PLCB1: variants seen among roughly 807,000 people sequenced by gnomAD.
The protein encoded by PLCB1 is phospholipase C beta 1, also known as 1-phosphatidylinositol 4,5-bisphosphate phosphodiesterase beta-1.
Under a neutral mutation model 161.8 loss-of-function variants are expected in PLCB1, and 46 were observed. The observed-to-expected ratio is 0.28, with a 90% confidence interval of 0.22 to 0.36. PLCB1 has a LOEUF of 0.36. Among genes scored for constraint, PLCB1 ranks in the 10% least tolerant of loss-of-function variants. PLCB1 has a pLI of 1.00. For synonymous variants in PLCB1, 517 were observed against 503.7 expected, an observed-to-expected ratio of 1.03 and a Z score of -0.35; for missense variants, 1,016 against 1,472.5, an observed-to-expected ratio of 0.69 and a Z score of 5.07.
chr20:8,541,241 G>A (rs552370552), intron 3 of PLCB1, among the ~76,000 whole-genome samples: 1 of 152,116 alleles, frequency 6.6e-6, no homozygotes, highest in Non-Finnish European at 1.5e-5. Context: ...TGTAACTGCT[G>A]GTGTGCCACT....
chr20:8,811,579 A>G (rs369245665), intron 31 of PLCB1, among the ~76,000 whole-genome samples: 1 of 150,828 alleles, frequency 6.6e-6, no homozygotes. Flanking sequence ...TGATAAATTA[A>G]TATTCAATGG....
chr20:8,602,773 T>G (rs1210967604), intron 3 of PLCB1, among the ~76,000 whole-genome samples: 9 of 152,246 alleles, frequency 5.9e-5, no homozygotes, highest in South Asian at 4.1e-4. Context: ...GGGATTTTAA[T>G]TTCTGTGGCT....
At chr20:8,244,999 CA>C (rs752860113) in intron 2 of PLCB1, among the ~76,000 whole-genome samples, 26 of 151,450 alleles carry the variant, frequency 1.7e-4, no homozygotes, top group Non-Finnish European at 3.7e-4. Context: ...GGATGTATGA[CA>C]AGTAATATTT....
intron 2 of PLCB1, among the ~76,000 whole-genome samples, chr20:8,220,721 C>T (rs1173442786): frequency 2.6e-5 from 4 of 152,150 alleles, no homozygotes; most frequent in Admixed American, 2.0e-4. Flanking sequence ...TTCCAGCTTC[C>T]AGAACTGTGA....
At chr20:8,609,538 TC>T (rs1420891368) in intron 3 of PLCB1, among the ~76,000 whole-genome samples, 1 of 152,200 alleles carries the variant, frequency 6.6e-6, no homozygotes, top group East Asian at 1.9e-4. Flanking sequence ...CCATCTTTTT[TC>T]TCTTCAATTT....
chr20:8,492,452 T>A (rs979053224), intron 3 of PLCB1, among the ~76,000 whole-genome samples: 1 of 152,126 alleles, frequency 6.6e-6, no homozygotes, highest in African/African-American at 2.4e-5. Flanking sequence ...ATGTTTGGTA[T>A]AATTAAGTGC....
At chr20:8,526,021 A>G (rs946607756) in intron 3 of PLCB1, among the ~76,000 whole-genome samples, 1 of 152,088 alleles carries the variant, frequency 6.6e-6, no homozygotes, top group Non-Finnish European at 1.5e-5. Context: ...TTGGAGCGGG[A>G]TAGTAACCAG....
chr20:8,348,619 C>A (rs965889172), intron 2 of PLCB1, among the ~76,000 whole-genome samples: 2 of 152,174 alleles, frequency 1.3e-5, no homozygotes, highest in African/African-American at 4.8e-5. Context: ...TTGTGTGATG[C>A]AGGCCTAATG....
chr20:8,829,759 A>G (rs1307706342), intron 31 of PLCB1, among the ~76,000 whole-genome samples: 2 of 152,230 alleles, frequency 1.3e-5, no homozygotes, highest in African/African-American at 4.8e-5. Flanking sequence ...AGCAACGTAT[A>G]GATCATTAGG....
chr20:8,274,598 G>A (rs1432806940), intron 2 of PLCB1, among the ~76,000 whole-genome samples: 1 of 151,454 alleles, frequency 6.6e-6, no homozygotes, highest in African/African-American at 2.4e-5. Context: ...TGCCTCATTT[G>A]CCAGGGCTTT....
At chr20:8,183,041 G>A (rs1222091713) in intron 2 of PLCB1, among the ~76,000 whole-genome samples, 10 of 152,192 alleles carry the variant, frequency 6.6e-5, no homozygotes, top group Admixed American at 5.9e-4. Flanking sequence ...GCTGGGCCCA[G>A]ATCAGCAGAA....
chr20:8,372,351 G>GA (rs1357102405), intron 3 of PLCB1, among the ~76,000 whole-genome samples: 3 of 150,910 alleles, frequency 2.0e-5, no homozygotes, highest in African/African-American at 4.9e-5. Context: ...GGAGATGCAA[G>GA]AAAAAAAAAT....
At chr20:8,191,370 T>A (rs1157398548) in intron 2 of PLCB1, among the ~76,000 whole-genome samples, 1 of 152,022 alleles carries the variant, frequency 6.6e-6, no homozygotes, top group Non-Finnish European at 1.5e-5. Flanking sequence ...TTGTTTCTCA[T>A]TTTTTTCCAT....
At chr20:8,734,735 C>T (rs1002470974) in intron 19 of PLCB1, among the ~76,000 whole-genome samples, 5 of 151,980 alleles carry the variant, frequency 3.3e-5, no homozygotes, top group African/African-American at 7.2e-5. Context: ...GATTCTTCAT[C>T]GTTAAAGCTT....
intron 2 of PLCB1, among the ~76,000 whole-genome samples, chr20:8,299,246 C>T (rs188342835): frequency 6.6e-6 from 1 of 152,246 alleles, no homozygotes; most frequent in East Asian, 1.9e-4. Context: ...ATTATCCTGA[C>T]CAACATATAA....
At chr20:8,474,534 A>T (rs1982188085) in intron 3 of PLCB1, among the ~76,000 whole-genome samples, 1 of 152,124 alleles carries the variant, frequency 6.6e-6, no homozygotes, top group Non-Finnish European at 1.5e-5. Context: ...GGCAGGGATT[A>T]TGGTGGAGGA....
At chr20:8,611,635 T>C (rs1987906936) in intron 3 of PLCB1, among the ~76,000 whole-genome samples, 1 of 152,192 alleles carries the variant, frequency 6.6e-6, no homozygotes, top group Non-Finnish European at 1.5e-5. Flanking sequence ...CCTAGTAATA[T>C]CAACTAAAAA....
chr20:8,310,174 G>GA (rs1343999751), intron 2 of PLCB1, among the ~76,000 whole-genome samples: 9 of 151,730 alleles, frequency 5.9e-5, no homozygotes, highest in African/African-American at 1.9e-4. Flanking sequence ...CTCTCTAGTG[G>GA]AAAAAAAATT....
chr20:8,359,148 CT>C (rs1372822140), intron 2 of PLCB1, among the ~76,000 whole-genome samples: 1 of 152,036 alleles, frequency 6.6e-6, no homozygotes, highest in Non-Finnish European at 1.5e-5. Context: ...ACAGTGATTG[CT>C]TTTTACTTAC....
Sources: gnomAD v4.1 joint callset for allele counts (sites outside exome capture counted in the v4.1 genomes callset) on GRCh38, gnomAD v4.1.1 for gene constraint, MANE v1.5 for transcripts, NCBI Gene and HGNC (gene_info 2026-07-23, HGNC 2026-07-21) for gene names.